GLIS3: variants seen among roughly 807,000 people sequenced by gnomAD.
GLIS3 encodes the protein GLIS family zinc finger 3.
Under a neutral mutation model 78.6 loss-of-function variants are expected in GLIS3, and 53 were observed. The ratio of observed to expected loss-of-function variants is 0.67; its 90% CI spans 0.54 to 0.85. GLIS3 has a LOEUF of 0.85. Ranked by LOEUF, GLIS3 falls within the 40% of genes least tolerant of loss-of-function variation. The pLI, the probability that GLIS3 is intolerant of heterozygous loss-of-function variation, is 0.00. For synonymous variants in GLIS3, 684 were observed against 509.9 expected (o/e 1.34, Z -4.60); for missense variants, 1,703 against 1,231.1 (o/e 1.38, Z -5.74).
At chr9:4,117,453 T>A (rs1490459046) in intron 4 of GLIS3, among the ~76,000 whole-genome samples, 1 of 152,220 alleles carries the variant, frequency 6.6e-6, no homozygotes, top group Non-Finnish European at 1.5e-5. Context: ...CCTTCTGCTC[T>A]TGCACATCCA....
intron 9 of GLIS3, among the ~76,000 whole-genome samples, chr9:3,853,094 C>G (rs1444866761): frequency 6.6e-6 from 1 of 152,092 alleles, no homozygotes; most frequent in East Asian, 1.9e-4. Context: ...TGCCTGCAGT[C>G]TCGGCTGCTT....
At chr9:3,968,894 G>A (rs796236202) in intron 4 of GLIS3, among the ~76,000 whole-genome samples, 1 of 152,318 alleles carries the variant, frequency 6.6e-6, no homozygotes, top group African/African-American at 2.4e-5. Context: ...GACTGTCTGG[G>A]TAAAGATCTA....
chr9:4,207,784 C>T (rs761432538), intron 2 of GLIS3, among the ~76,000 whole-genome samples: 3 of 152,160 alleles, frequency 2.0e-5, no homozygotes, highest in Non-Finnish European at 4.4e-5. Flanking sequence ...CCTGGGCTTG[C>T]ATCCTTAACC....
chr9:4,252,560 G>C (rs919739526), intron 2 of GLIS3, among the ~76,000 whole-genome samples: 1 of 151,878 alleles, frequency 6.6e-6, no homozygotes, highest in African/African-American at 2.4e-5. Context: ...TGCCCTTTTA[G>C]CTTCCTCCAG....
Position 4,260,225 on chromosome 9 carries a change from G to A in GLIS3, c.388+25813C>T, listed in dbSNP as rs564678689. Among the ~76,000 whole-genome samples the A allele has an allele frequency of 5.3e-5, 8 of 152,302 alleles. No individual in the cohort carries two copies. In the South Asian group the frequency reaches 8.3e-4, roughly 16 times the overall value. The stretch of plus-strand genomic sequence containing the variant: ...AGGCAGGCGGATCACAAGGTCAAGA[G>A]ATTGAGACCATCCTGCCCAACATGG... On this transcript the variant is annotated intron_variant, in intron 2 of 10. Coordinates refer to ENST00000381971, the MANE Select transcript of GLIS3 (RefSeq NM_001042413.2).
Position 4,286,090 on chromosome 9 carries a change from T to C in GLIS3, c.336A>G (p.Leu112=), listed in dbSNP as rs764178020. 6.2e-7 allele frequency: 1 copy of C among 1,613,660 alleles called. No homozygotes were observed. Among genetic ancestry groups the C allele is most frequent in the South Asian group, 1.1e-5 (1 of 91,018 alleles). The part of the protein sequence containing the change: ...QAGGMSGSHT[L]KPKQQEFGSP... The stretch of plus-strand genomic sequence containing the variant: ...TTCCAAACTCCTGCTGCTTTGGCTT[T>C]AAAGTATGTGACCCTGACATGCCTC... Residue 112 remains leucine (L), a synonymous_variant, in exon 2 of 11, where the codon TTA becomes TTG. Transcript: ENST00000381971.
chr9:3,986,487 A>G (rs1164213949), intron 4 of GLIS3, among the ~76,000 whole-genome samples: 1 of 152,254 alleles, frequency 6.6e-6, no homozygotes, highest in Non-Finnish European at 1.5e-5. Context: ...ATCAGCATTA[A>G]TTCTGCCCTC....
chr9:4,170,457 A>G (rs7851070), intron 2 of GLIS3, among the ~76,000 whole-genome samples: 57,485 of 152,030 alleles, frequency 0.38, 12,652 homozygotes, highest in East Asian at 0.66. Context: ...ACACGGTGTT[A>G]GAATGCCCTC....
intron 2 of GLIS3, among the ~76,000 whole-genome samples, chr9:4,164,196 C>G (rs1835710029): frequency 6.6e-6 from 1 of 152,178 alleles, no homozygotes; most frequent in Admixed American, 6.5e-5. Context: ...CATCCTGACT[C>G]TGACAAATCC....
intron 2 of GLIS3, among the ~76,000 whole-genome samples, chr9:4,157,927 T>A (rs931094327): frequency 6.6e-6 from 1 of 152,204 alleles, no homozygotes; most frequent in Admixed American, 6.5e-5. Context: ...AAAAAACCTT[T>A]TCAGTAAAAA....
intron 8 of GLIS3, among the ~76,000 whole-genome samples, chr9:3,877,705 T>C (rs1004621740): frequency 6.6e-5 from 10 of 152,218 alleles, no homozygotes. Context: ...GATTAGTAAT[T>C]CTGCCTCCTA....
At chr9:4,365,435 T>C in the GLIS3 span, among the ~76,000 whole-genome samples, 8 of 151,964 alleles carry the variant, frequency 5.3e-5, no homozygotes, top group Admixed American at 1.3e-4. Context: ...CGGGTGCCTA[T>C]AGTCCCAGCT....
At chr9:4,406,185 G>A in the GLIS3 span, among the ~76,000 whole-genome samples, 750 of 152,068 alleles carry the variant, frequency 4.9e-3, 6 homozygotes, top group African/African-American at 0.017. Flanking sequence ...GCCCACTTTC[G>A]TCACAATTAT....
At chr9:4,408,968 C>T in the GLIS3 span, among the ~76,000 whole-genome samples, 1 of 151,556 alleles carries the variant, frequency 6.6e-6, no homozygotes, top group Non-Finnish European at 1.5e-5. Context: ...ATACATACAC[C>T]CACTATGTAC....
intron 1 of GLIS3, among the ~76,000 whole-genome samples, chr9:4,288,716 T>A (rs1828205957): frequency 7.4e-6 from 1 of 134,764 alleles, no homozygotes; most frequent in African/African-American, 2.7e-5. Flanking sequence ...TACACTCCCG[T>A]TTTAAATAGT....
At chr9:4,191,142 C>T (rs1818297804) in intron 2 of GLIS3, among the ~76,000 whole-genome samples, 1 of 148,918 alleles carries the variant, frequency 6.7e-6, no homozygotes, top group South Asian at 2.3e-4. Flanking sequence ...GCAAAATAAC[C>T]AGCTAACATC....
intron 7 of GLIS3, among the ~76,000 whole-genome samples, chr9:3,889,788 T>A (rs915161903): frequency 3.9e-5 from 6 of 152,162 alleles, no homozygotes; most frequent in African/African-American, 7.2e-5. Context: ...TTTTAAAAAA[T>A]TTTTTACATT....
At chr9:3,896,565 C>G (rs1409147955) in intron 7 of GLIS3, among the ~76,000 whole-genome samples, 1 of 148,840 alleles carries the variant, frequency 6.7e-6, no homozygotes, top group African/African-American at 2.5e-5. Flanking sequence ...GCTAGGGAGG[C>G]TGAGGCAGGA....
At chr9:3,997,161 AC>A (rs1422152789) in intron 4 of GLIS3, among the ~76,000 whole-genome samples, 2 of 152,096 alleles carry the variant, frequency 1.3e-5, no homozygotes, top group Non-Finnish European at 2.9e-5. Flanking sequence ...AGCCTGACCA[AC>A]ATGGAAAAAC....
Sources: allele counts gnomAD v4.1 joint callset (sites outside exome capture counted in the v4.1 genomes callset), GRCh38; gene constraint gnomAD v4.1.1; transcripts MANE v1.5; gene names NCBI Gene and HGNC (gene_info 2026-07-23, HGNC 2026-07-21).